The following AGBL4 variants were observed in gnomAD, a reference collection of about 807,000 sequenced individuals.
AGBL4 encodes the protein cytosolic carboxypeptidase 6.
In AGBL4, 58 loss-of-function variants were observed where a neutral mutation model predicts 66.4. The ratio of observed to expected loss-of-function variants is 0.87; its 90% confidence interval spans 0.71 to 1.09. AGBL4 has a LOEUF of 1.09. AGBL4 is among the 50% of genes least tolerant of loss of function. The pLI is 0.00. For missense variants in AGBL4, 579 were observed against 631.0 expected (o/e 0.92, Z 0.88); for synonymous variants, 234 against 222.9 (o/e 1.05, Z -0.44).
intron 1 of AGBL4, among the ~76,000 whole-genome samples, chr1:49,920,305 C>T (rs1325575271): frequency 6.6e-6 from 1 of 152,120 alleles, no homozygotes; most frequent in Non-Finnish European, 1.5e-5. Context: ...AACAGGCCAC[C>T]TACAGAATGG....
At chr1:49,791,246 T>TA (rs1246369575) in intron 2 of AGBL4, among the ~76,000 whole-genome samples, 1 of 152,080 alleles carries the variant, frequency 6.6e-6, no homozygotes, top group East Asian at 1.9e-4. Flanking sequence ...TATATTAATA[T>TA]AAATAGAGGT....
At chr1:48,860,905 A>G (rs527660447) in intron 6 of AGBL4, among the ~76,000 whole-genome samples, 1 of 152,228 alleles carries the variant, frequency 6.6e-6, no homozygotes, top group Non-Finnish European at 1.5e-5. Flanking sequence ...GATACTAAAC[A>G]AAATCAACAA....
intron 3 of AGBL4, among the ~76,000 whole-genome samples, chr1:49,492,147 C>T (rs547654258): frequency 8.6e-5 from 13 of 151,928 alleles, no homozygotes; most frequent in Non-Finnish European, 1.9e-4. Context: ...GGCATTATGA[C>T]ATAACATTAG....
chr1:49,189,066 G>A (rs774328110), intron 4 of AGBL4, among the ~76,000 whole-genome samples: 12 of 152,274 alleles, frequency 7.9e-5, no homozygotes, highest in Non-Finnish European at 1.3e-4. Context: ...AAGGAAAGAG[G>A]AGGGTAGCTA....
intron 4 of AGBL4, among the ~76,000 whole-genome samples, chr1:49,134,428 T>C (rs1645963991): frequency 6.6e-6 from 1 of 151,140 alleles, no homozygotes; most frequent in Non-Finnish European, 1.5e-5. Flanking sequence ...TTTCTCCCTA[T>C]CTACAACTGC....
chr1:49,445,649 G>A lies in AGBL4; in HGVS notation c.283-199785C>T, dbSNP rs112814677. 1.4e-3 allele frequency among the ~76,000 whole-genome samples: 209 copies of A among 151,834 alleles called. 1 individual carries two copies. The highest frequency in any genetic ancestry group is 4.6e-3 in the African/African-American group (190 of 41,458). ...CTTTTGTCTTATCTAGTCTACTGTC[G>A]AAGGTTTCAAATGTGTTTTGTATTG... On this transcript the variant is annotated intron_variant, in intron 3 of 13. Transcript: ENST00000371839.
chr1:49,189,064 A>C lies in AGBL4; in HGVS notation c.377+56706T>G, dbSNP rs191610415. Among the ~76,000 whole-genome samples, 33 of 152,302 alleles carry C rather than the reference A, an allele frequency of 2.2e-4. No homozygotes were observed. The East Asian group carries it at 5.8e-3, about 27-fold the overall frequency. On this transcript the variant is annotated intron_variant, in intron 4 of 13. Coordinates refer to ENST00000371839, the MANE Select transcript of AGBL4 (RefSeq NM_032785.4). ...TAGCAATGTCTGCCCAGAAGGAAAG[A>C]GGAGGGTAGCTATGCATGTAGCCAG... is the stretch of plus-strand genomic sequence containing the variant.
intron 1 of AGBL4, among the ~76,000 whole-genome samples, chr1:49,890,135 C>A (rs901525860): frequency 1.3e-5 from 2 of 152,126 alleles, no homozygotes; most frequent in African/African-American, 4.8e-5. Context: ...TTTTGCATAA[C>A]AGAAAAATCC....
chr1:49,015,517 G>A lies in AGBL4; in HGVS notation c.594+30067C>T, dbSNP rs546916597. Among the ~76,000 whole-genome samples, 8 of 151,362 alleles carry A rather than the reference G, an allele frequency of 5.3e-5. No individual in the cohort carries two copies. In the East Asian group the frequency reaches 1.6e-3, roughly 30 times the overall value. On this transcript the variant is annotated intron_variant, in intron 5 of 13. Transcript: ENST00000371839. ...CGTTCACTGCAAGCTCCGCCTCCTG[G>A]GTTCACGCCATTCTCCTGCCTCAGC...
At chr1:48,527,362 C>T in the AGBL4 span, among the ~76,000 whole-genome samples, 14 of 151,918 alleles carry the variant, frequency 9.2e-5, no homozygotes, top group South Asian at 6.3e-4. Context: ...TTGGGAAGCC[C>T]GGGGTGGGTG....
chr1:48,679,698 T>C (rs1453579582), intron 6 of AGBL4, among the ~76,000 whole-genome samples: 3 of 152,236 alleles, frequency 2.0e-5, no homozygotes, highest in African/African-American at 2.4e-5. Flanking sequence ...CTCCAAGCAC[T>C]GAGTTCTTCT....
intron 2 of AGBL4, among the ~76,000 whole-genome samples, chr1:49,834,011 C>T (rs567177797): frequency 1.3e-4 from 20 of 152,184 alleles, no homozygotes; most frequent in South Asian, 1.0e-3. Context: ...ATTTTCGCAT[C>T]GATGTTCATC....
chr1:49,172,354 G>A (rs1399410212), intron 4 of AGBL4, among the ~76,000 whole-genome samples: 1 of 152,202 alleles, frequency 6.6e-6, no homozygotes, highest in African/African-American at 2.4e-5. Flanking sequence ...GAATGAGCCA[G>A]GATGAGCCAG....
intron 2 of AGBL4, among the ~76,000 whole-genome samples, chr1:49,700,563 T>C (rs891072390): frequency 3.3e-5 from 5 of 152,092 alleles, no homozygotes; most frequent in African/African-American, 1.2e-4. Flanking sequence ...TAATATACAT[T>C]CTTTTCAAAT....
chr1:49,666,566 AAAATAAAT>A (rs1009609708), intron 3 of AGBL4, among the ~76,000 whole-genome samples: 1 of 151,856 alleles, frequency 6.6e-6, no homozygotes, highest in East Asian at 1.9e-4. Flanking sequence ...ACTCTGTCTC[AAAATAAAT>A]AAATAAATAA....
intron 2 of AGBL4, among the ~76,000 whole-genome samples, chr1:49,844,003 G>A (rs1321486972): frequency 6.6e-6 from 1 of 152,174 alleles, no homozygotes; most frequent in Non-Finnish European, 1.5e-5. Flanking sequence ...TAGAGATACA[G>A]TGGTGAGCAA....
intron 3 of AGBL4, among the ~76,000 whole-genome samples, chr1:49,595,685 G>A (rs891092273): frequency 4.0e-5 from 6 of 151,868 alleles, no homozygotes; most frequent in African/African-American, 1.2e-4. Context: ...AGCTTGAAAT[G>A]CAATTATTTC....
intron 9 of AGBL4, among the ~76,000 whole-genome samples, chr1:48,624,554 T>C (rs573222949): frequency 1.3e-5 from 2 of 152,328 alleles, no homozygotes; most frequent in East Asian, 1.9e-4. Context: ...GGGATGCCTG[T>C]AGGAATCCAA....
At chr1:49,992,457 T>C (rs2148405097) in intron 1 of AGBL4, among the ~76,000 whole-genome samples, 1 of 152,032 alleles carries the variant, frequency 6.6e-6, no homozygotes, top group Admixed American at 6.6e-5. Context: ...ATACTCAGGT[T>C]TTGGGTCTCA....
Sources: gnomAD v4.1 joint callset for allele counts (sites outside exome capture counted in the v4.1 genomes callset) on GRCh38, gnomAD v4.1.1 for gene constraint, MANE v1.5 for transcripts, NCBI Gene and HGNC (gene_info 2026-07-23, HGNC 2026-07-21) for gene names.